ATM: variants seen among roughly 807,000 people sequenced by gnomAD.
ATM encodes serine-protein kinase ATM.
In ATM, 308 loss-of-function variants were observed where a neutral mutation model predicts 387.0. That is an observed-to-expected ratio of 0.80 (90% CI 0.73 to 0.87). The LOEUF (loss-of-function observed/expected upper bound fraction) is 0.87, where lower values mean the gene tolerates loss of function less well. Ranked by LOEUF, ATM falls within the 40% of genes least tolerant of loss-of-function variation. The probability of loss-of-function intolerance (pLI) is 0.00; values close to 1 mark genes in which losing one functional copy is unlikely to be tolerated. For missense variants in ATM, 3,312 were observed against 3,560.9 expected (o/e 0.93, Z 1.78); for synonymous variants, 1,156 against 1,187.3 (o/e 0.97, Z 0.54).
chr11:108,282,666 T>C, intron 24 of ATM, 44 bp from the exon 25 acceptor site: 1 of 1,565,678 alleles, frequency 6.4e-7, no homozygotes, highest in Non-Finnish European at 8.8e-7. Flanking sequence ...AAATGATTTA[T>C]TTTTTTCATT....
intron 18 of ATM, among the ~76,000 whole-genome samples, chr11:108,270,262 C>G (rs1350964744): frequency 1.3e-5 from 2 of 152,132 alleles, no homozygotes; most frequent in Non-Finnish European, 2.9e-5. Flanking sequence ...TTGACTTCTT[C>G]CCTGCCCATG....
intron 56 of ATM, among the ~76,000 whole-genome samples, chr11:108,339,736 T>TC (rs2087291516): frequency 6.6e-6 from 1 of 151,970 alleles, no homozygotes; most frequent in South Asian, 2.1e-4. Context: ...AGGGTTTGAT[T>TC]CCCCCTCCCC....
chr11:108,318,090 G>T (rs1256104904), intron 43 of ATM, among the ~76,000 whole-genome samples: 1 of 152,068 alleles, frequency 6.6e-6, no homozygotes, highest in Non-Finnish European at 1.5e-5. Context: ...GGCCAGGCAC[G>T]GTGGCTCATG....
At chr11:108,284,158 GA>G in intron 25 of ATM, 68 bp from the exon 26 acceptor site, 1 of 1,241,932 alleles carries the variant, frequency 8.1e-7, no homozygotes. Context: ...CAGTTTTTAA[GA>G]ACTATTTTAT....
intron 57 of ATM, 51 bp downstream of exon 57, chr11:108,343,422 T>C: frequency 6.2e-7 from 1 of 1,603,064 alleles, no homozygotes; most frequent in Non-Finnish European, 8.5e-7. Context: ...TAATGGCTTA[T>C]TAAAGCTGAC....
intron 38 of ATM, among the ~76,000 whole-genome samples, chr11:108,308,311 C>G (rs576436803): frequency 1.3e-5 from 2 of 152,254 alleles, no homozygotes; most frequent in South Asian, 4.1e-4. Flanking sequence ...TGTATTACCC[C>G]TCTTTTTACT....
intron 26 of ATM, among the ~76,000 whole-genome samples, chr11:108,285,821 C>T (rs1453581174): frequency 1.3e-5 from 2 of 152,108 alleles, no homozygotes; most frequent in Non-Finnish European, 2.9e-5. Flanking sequence ...CAGCCTCTAG[C>T]CACTCCCATT....
In ATM at chr11:108,368,473, A is replaced by G. The variant is rs2091446552; in HGVS notation, c.*2965A>G. The G allele has an allele frequency of 4.7e-6, 1 of 213,564 alleles. No individual in the cohort carries two copies. Among genetic ancestry groups the G allele is most frequent in the Non-Finnish European group, 9.5e-6 (1 of 105,678 alleles). The allele number at this position is 213,564 out of a possible 1,614,324, so 13.2% of individuals were successfully genotyped here. On this transcript the variant is annotated 3_prime_UTR_variant, in exon 63 of 63. Coordinates refer to ENST00000675843, the MANE Select transcript of ATM (RefSeq NM_000051.4). ...TTTCTGATCTTTACTTTGCAAGATT[A>G]GTGATACTATCCCAATACACTGCTG...
chr11:108,270,206 T>G (rs2081497569), intron 18 of ATM, among the ~76,000 whole-genome samples: 1 of 152,222 alleles, frequency 6.6e-6, no homozygotes, highest in African/African-American at 2.4e-5. Context: ...CATAGTACCA[T>G]AAAGAGCCTT....
intron 15 of ATM, 112 bp downstream of exon 15, chr11:108,257,718 C>T: frequency 9.3e-7 from 1 of 1,075,564 alleles, no homozygotes; most frequent in Non-Finnish European, 1.4e-6. Context: ...CTCCTGGTTT[C>T]CAGCAATTCT....
intron 13 of ATM, 104 bp downstream of exon 13, chr11:108,254,143 G>T: frequency 8.8e-7 from 1 of 1,130,628 alleles, no homozygotes; most frequent in Non-Finnish European, 1.3e-6. Context: ...ATGGTGGGAG[G>T]CTTCATTTTA....
At chr11:108,346,657 A>G (rs17412803) in intron 58 of ATM, 3,790 of 154,160 alleles carry the variant, frequency 0.025, 58 homozygotes, top group Non-Finnish European at 0.038. Context: ...TATAAACAAG[A>G]AAGTAGGCCT....
At chr11:108,311,945 A>C (rs1444486891) in intron 39 of ATM, among the ~76,000 whole-genome samples, 1 of 152,216 alleles carries the variant, frequency 6.6e-6, no homozygotes, top group Non-Finnish European at 1.5e-5. Flanking sequence ...CTAGTTTTAT[A>C]GTCTTGGTTT....
chr11:108,256,273 G>A lies in ATM; in HGVS notation c.2183G>A (p.Cys728Tyr), dbSNP rs2135393426. Residue 728 changes from cysteine (C) to tyrosine (Y), a missense_variant, in exon 14 of 63, where the codon TGC becomes TAC. By Grantham distance (194) the Cys-to-Tyr change is radical (BLOSUM62 -2). Transcript: ENST00000675843. The part of the protein sequence containing the change: ...CSRLLVGVLG[C>Y]YCYMGVIAEE... ...CGTCTTTTGGTGGGTGTCCTTGGCTGCTACTGTTACATGGGTGTAATAGCT... is the reference window on the plus strand; with the variant it reads ...CGTCTTTTGGTGGGTGTCCTTGGCTACTACTGTTACATGGGTGTAATAGCT... The A allele has an allele frequency of 6.2e-7, 1 of 1,611,190 alleles. No individual in the cohort carries two copies. The highest frequency in any genetic ancestry group is 8.5e-7 in the Non-Finnish European group (1 of 1,178,102).
At chr11:108,244,735 G>C (rs2079746788) in intron 6 of ATM, 53 bp from the exon 7 acceptor site, 1 of 1,352,302 alleles carries the variant, frequency 7.4e-7, no homozygotes, top group African/African-American at 1.4e-5. Flanking sequence ...TGTTCAGTTT[G>C]TACAGTTTGT....
rs1340743582 is a variant in ATM, at chr11:108,331,744, C to T, written c.7630-135C>T. 10 of 1,292,738 alleles carry T rather than the reference C, an allele frequency of 7.7e-6. No homozygotes were observed. The African/African-American group carries it at 9.0e-5, about 12-fold the overall frequency. The allele number at this position is 1,292,738 out of a possible 1,614,324, so 80.1% of individuals were successfully genotyped here. ...TCCTCATAGGCCTCTGCCTTTTTCT[C>T]ACACATGCAGGCATACACGCTCTAC... is the stretch of plus-strand genomic sequence containing the variant. On this transcript the variant is annotated intron_variant, in intron 51 of 62. Transcript: ENST00000675843.
intron 60 of ATM, among the ~76,000 whole-genome samples, chr11:108,354,387 A>T (rs1342501831): frequency 1.3e-5 from 2 of 152,144 alleles, no homozygotes; most frequent in Non-Finnish European, 2.9e-5. Flanking sequence ...CTACATTTTT[A>T]TTTATAGGAG....
chr11:108,362,998 A>C (rs1417119407), intron 61 of ATM, among the ~76,000 whole-genome samples: 1 of 152,082 alleles, frequency 6.6e-6, no homozygotes, highest in Non-Finnish European at 1.5e-5. Flanking sequence ...AACAAAAAAA[A>C]CACACCCTCC....
intron 4 of ATM, among the ~76,000 whole-genome samples, chr11:108,234,848 A>G (rs1244618221): frequency 6.6e-6 from 1 of 151,388 alleles, no homozygotes; most frequent in Non-Finnish European, 1.5e-5. Context: ...CTTAAAAAAA[A>G]AAATTACAAC....
Sources: gnomAD v4.1 joint callset for allele counts (sites outside exome capture counted in the v4.1 genomes callset) on GRCh38, gnomAD v4.1.1 for gene constraint, MANE v1.5 for transcripts, NCBI Gene and HGNC (gene_info 2026-07-23, HGNC 2026-07-21) for gene names.